PAQR8: variants seen among roughly 807,000 people sequenced by gnomAD.
The protein encoded by PAQR8 is progestin and adipoQ receptor family member 8.
In PAQR8, 17 loss-of-function variants were observed where a neutral mutation model predicts 25.2. That is an observed-to-expected ratio of 0.67 (90% CI 0.46 to 1.01). The LOEUF is 1.01. Among genes scored for constraint, PAQR8 ranks in the 50% least tolerant of loss-of-function variants. PAQR8 has a pLI of 0.00. For missense variants in PAQR8, 392 were observed against 448.4 expected (o/e 0.87, Z 1.14); for synonymous variants, 204 against 190.6 (o/e 1.07, Z -0.58).
At chr6:52,403,071 A>G in intron 1 of PAQR8, 91 bp from the exon 2 acceptor site, 1 of 728,340 alleles carries the variant, frequency 1.4e-6, no homozygotes, top group East Asian at 2.7e-5. Context: ...ACCCCGTCTC[A>G]AAAGAAAAGA....
Position 52,403,488 on chromosome 6 carries a change from G to T in PAQR8, c.275G>T (p.Arg92Leu). The stretch of plus-strand genomic sequence containing the variant: ...CTGGCAGCCCTGGCCGTCCTCTTGC[G>T]ATTCTGGGCCTTTGCCGAGGCTGAG... ...HLLAALAVLLRFWAFAEAEAL... is the reference protein window; with the variant it reads ...HLLAALAVLLLFWAFAEAEAL... The change falls in exon 2 of 2, where the codon CGA becomes CTA. Residue 92 changes from arginine to leucine, a missense_variant. Arg to Leu is a moderately radical substitution (Grantham distance 102). Coordinates refer to ENST00000442253, the MANE Select transcript of PAQR8 (RefSeq NM_133367.5). The T allele has an allele frequency of 3.1e-6, 5 of 1,614,120 alleles. No homozygotes were observed. Among genetic ancestry groups the T allele is most frequent in the Non-Finnish European group, 4.2e-6 (5 of 1,180,040 alleles).
chr6:52,405,954 C>A lies in PAQR8; in HGVS notation c.*1676C>A, dbSNP rs935284696. 7.2e-5 allele frequency: 12 copies of A among 166,852 alleles called. No homozygotes were observed. The highest frequency in any genetic ancestry group is 6.5e-4 in the Admixed American group (10 of 15,288). 10.3% of individuals were successfully genotyped at this position (166,852 alleles called of 1,614,324 possible). On this transcript the variant is annotated 3_prime_UTR_variant, in exon 2 of 2. Coordinates refer to ENST00000442253, the MANE Select transcript of PAQR8 (RefSeq NM_133367.5). The stretch of plus-strand genomic sequence containing the variant: ...AGACTTTCTCAATCTATTTTGGCCA[C>A]AAACAAACATATTCAACTGAAGCTT...
At chr6:52,390,532 CT>C (rs1056346332) in intron 1 of PAQR8, among the ~76,000 whole-genome samples, 1 of 151,328 alleles carries the variant, frequency 6.6e-6, no homozygotes, top group Non-Finnish European at 1.5e-5. Flanking sequence ...GTGTACCTTA[CT>C]TTTTTTTTAT....
At chr6:52,385,641 TG>T (rs1562430862) in intron 1 of PAQR8, among the ~76,000 whole-genome samples, 1 of 152,078 alleles carries the variant, frequency 6.6e-6, no homozygotes, top group Non-Finnish European at 1.5e-5. Context: ...TCTAGCACTT[TG>T]GGGGGCAAGG....
rs113783173 is a variant in PAQR8, at chr6:52,378,602, C to G, written c.-53+16353C>G. 2.0e-3 allele frequency among the ~76,000 whole-genome samples: 305 copies of G among 151,470 alleles called. 1 individual carries two copies. Among genetic ancestry groups the G allele is most frequent in the African/African-American group, 6.7e-3 (276 of 41,218 alleles). On this transcript the variant is annotated intron_variant, in intron 1 of 1. Transcript: ENST00000442253. The stretch of plus-strand genomic sequence containing the variant: ...GGTCAGGAGTTCAAGACCAGCCTGA[C>G]CAACATGATGAAACCCTGTCTCTAC...
Position 52,406,209 on chromosome 6 carries a change from T to C in PAQR8, c.*1931T>C, listed in dbSNP as rs1763905651. Reference sequence around the variant, plus strand: ...GTGCAAATACGTTGTTAGTAGAAGGTCAATTTAAAATAGGGACTAGAAATT... The same window carrying C: ...GTGCAAATACGTTGTTAGTAGAAGGCCAATTTAAAATAGGGACTAGAAATT... On this transcript the variant is annotated 3_prime_UTR_variant, in exon 2 of 2. Coordinates refer to ENST00000442253, the MANE Select transcript of PAQR8 (RefSeq NM_133367.5). 1 of 307,406 alleles carries C rather than the reference T, an allele frequency of 3.3e-6. No individual in the cohort carries two copies. Among genetic ancestry groups the C allele is most frequent in the African/African-American group, 2.2e-5 (1 of 46,292 alleles). 19.0% of individuals were successfully genotyped at this position (307,406 alleles called of 1,614,324 possible).
intron 1 of PAQR8, among the ~76,000 whole-genome samples, chr6:52,400,211 T>A (rs1229548304): frequency 1.3e-5 from 2 of 152,266 alleles, no homozygotes; most frequent in Non-Finnish European, 2.9e-5. Flanking sequence ...GCTGGCTAAA[T>A]GAATGCCTCA....
chr6:52,406,749 GAC>G lies in PAQR8; in HGVS notation c.*2473_*2474del, dbSNP rs554500405. ...GGCTAATTTTTGCATTTTTTGTAGA[GAC>G]AGGGTTTTGCCACGTTGCTTAGGCT... On this transcript the variant is annotated 3_prime_UTR_variant, in exon 2 of 2. Coordinates refer to ENST00000442253, the MANE Select transcript of PAQR8 (RefSeq NM_133367.5). 9.6e-4 allele frequency: 381 copies of G among 396,554 alleles called. 2 individuals carry two copies. Among genetic ancestry groups the G allele is most frequent in the African/African-American group, 6.0e-3 (288 of 48,348 alleles). 24.6% of individuals were successfully genotyped at this position (396,554 alleles called of 1,614,324 possible).
chr6:52,396,650 G>C (rs1004232265), intron 1 of PAQR8, among the ~76,000 whole-genome samples: 1 of 152,212 alleles, frequency 6.6e-6, no homozygotes, highest in African/African-American at 2.4e-5. Flanking sequence ...GGTCAGTTAT[G>C]AGACTGCTAT....
intron 1 of PAQR8, among the ~76,000 whole-genome samples, chr6:52,367,261 C>T (rs1171161886): frequency 6.6e-6 from 1 of 152,192 alleles, no homozygotes; most frequent in African/African-American, 2.4e-5. Context: ...TTCAAAACAT[C>T]AGTAGTGCTG....
At chr6:52,378,479 A>C (rs549861956) in intron 1 of PAQR8, among the ~76,000 whole-genome samples, 1 of 152,236 alleles carries the variant, frequency 6.6e-6, no homozygotes, top group Non-Finnish European at 1.5e-5. Context: ...AATTTTGTGG[A>C]ATATTATTCA....
chr6:52,371,542 A>T (rs552355979), intron 1 of PAQR8, among the ~76,000 whole-genome samples: 7 of 152,360 alleles, frequency 4.6e-5, no homozygotes, highest in Non-Finnish European at 7.3e-5. Context: ...GGAAAAGAAG[A>T]TTGAACACAG....
rs1763906278 is a variant in PAQR8, at chr6:52,406,253, T to G, written c.*1975T>G. 2.6e-6 allele frequency: 1 copy of G among 389,324 alleles called. No homozygotes were observed. Among genetic ancestry groups the G allele is most frequent in the Non-Finnish European group, 4.7e-6 (1 of 211,850 alleles). The allele number at this position is 389,324 out of a possible 1,614,324, so 24.1% of individuals were successfully genotyped here. ...AGAAATTATTTGAAGTTTTCTTTATTACGGATTCAAAGACTTATTTTGAAA... is the reference window on the plus strand; with the variant it reads ...AGAAATTATTTGAAGTTTTCTTTATGACGGATTCAAAGACTTATTTTGAAA... On this transcript the variant is annotated 3_prime_UTR_variant, in exon 2 of 2. Transcript: ENST00000442253.
intron 1 of PAQR8, among the ~76,000 whole-genome samples, chr6:52,372,047 G>A (rs576286606): frequency 1.2e-4 from 19 of 152,170 alleles, no homozygotes; most frequent in Non-Finnish European, 2.4e-4. Flanking sequence ...GGAATTTCTG[G>A]GGCTGGCTCT....
rs1484209454 is a variant in PAQR8 at position 52,362,871 on chromosome 6, G to C, written c.-53+622G>C. Among the ~76,000 whole-genome samples, 6 of 152,108 alleles carry C rather than the reference G, an allele frequency of 3.9e-5. No homozygotes were observed. Among genetic ancestry groups the C allele is most frequent in the Non-Finnish European group, 8.8e-5 (6 of 68,018 alleles). Reference sequence around the variant, plus strand: ...GTGCTTTCGCCGGGGAAAGATGGAGGGGGCTTCTCTGAGAGGGTGGGCGCG... The same window carrying C: ...GTGCTTTCGCCGGGGAAAGATGGAGCGGGCTTCTCTGAGAGGGTGGGCGCG... On this transcript the variant is annotated intron_variant, in intron 1 of 1. Transcript: ENST00000442253. The surrounding 1 kb of genome is among the most constrained non-coding windows in gnomAD (Gnocchi z 4.1).
intron 1 of PAQR8, among the ~76,000 whole-genome samples, chr6:52,372,753 G>GATATAT (rs376675829): frequency 2.2e-5 from 3 of 138,090 alleles, no homozygotes; most frequent in African/African-American, 8.0e-5. Context: ...TATATATATG[G>GATATAT]ATATATATAT....
chr6:52,378,300 C>T (rs1422491515), intron 1 of PAQR8, among the ~76,000 whole-genome samples: 2 of 152,228 alleles, frequency 1.3e-5, no homozygotes, highest in Non-Finnish European at 2.9e-5. Context: ...CTGGCTTGAG[C>T]ACCTGGGTGC....
intron 1 of PAQR8, among the ~76,000 whole-genome samples, chr6:52,379,059 T>C (rs1421954662): frequency 7.3e-6 from 1 of 136,712 alleles, no homozygotes; most frequent in Non-Finnish European, 1.5e-5. Context: ...ATCGTGCCAC[T>C]GCACTCCAGC....
chr6:52,407,489 C>T lies in PAQR8; in HGVS notation c.*3211C>T, dbSNP rs1348370252. The T allele has an allele frequency of 1.2e-5, 2 of 166,884 alleles. No homozygotes were observed. The highest frequency in any genetic ancestry group is 2.9e-5 in the Non-Finnish European group (2 of 68,080). The allele number at this position is 166,884 out of a possible 1,614,324, so 10.3% of individuals were successfully genotyped here. A position where few individuals can be genotyped will look rare whatever the true frequency, so the allele number is the denominator to read the frequency against. Reference sequence around the variant, plus strand: ...GTCCATAGAATGAAGGTAGTTATTCCTGCCTGTGTTGCCCACCTGTTCACA... The same window carrying T: ...GTCCATAGAATGAAGGTAGTTATTCTTGCCTGTGTTGCCCACCTGTTCACA... On this transcript the variant is annotated 3_prime_UTR_variant, in exon 2 of 2. Coordinates refer to ENST00000442253, the MANE Select transcript of PAQR8 (RefSeq NM_133367.5).
Sources: allele counts gnomAD v4.1 joint callset (sites outside exome capture counted in the v4.1 genomes callset), GRCh38; gene constraint gnomAD v4.1.1; non-coding constraint Gnocchi (gnomAD v3.1); transcripts MANE v1.5; gene names NCBI Gene and HGNC (gene_info 2026-07-23, HGNC 2026-07-21).